TIAM1: variants seen among roughly 807,000 people sequenced by gnomAD.
TIAM1 encodes rho guanine nucleotide exchange factor TIAM1.
A neutral mutation model predicts 163.5 loss-of-function variants in TIAM1; 65 were observed. The observed-to-expected ratio is 0.40, with a 90% CI of 0.33 to 0.49. The LOEUF is 0.49. Ranked by LOEUF, TIAM1 falls within the 20% of genes least tolerant of loss-of-function variation. The pLI, the probability that TIAM1 is intolerant of heterozygous loss-of-function variation, is 0.77. For missense variants in TIAM1, 1,789 were observed against 2,044.7 expected (o/e 0.87, Z 2.41); for synonymous variants, 833 against 810.1 (o/e 1.03, Z -0.48).
chr21:31,285,270 G>C lies in TIAM1; in HGVS notation c.-188-8362C>G, dbSNP rs147643655. Reference sequence around the variant, plus strand: ...TCTGGAATCAGGGAAGAGCTTGTGGGGGGGGCGGTGAGGCCATGAACTCAA... The same window carrying C: ...TCTGGAATCAGGGAAGAGCTTGTGGCGGGGGCGGTGAGGCCATGAACTCAA... On this transcript the variant is annotated intron_variant, in intron 2 of 27. Coordinates refer to ENST00000541036, the MANE Select transcript of TIAM1 (RefSeq NM_001353694.2). Among the ~76,000 whole-genome samples the C allele has an allele frequency of 2.9e-4, 44 of 152,274 alleles. No homozygotes were observed. In the East Asian group the frequency reaches 6.6e-3, roughly 23 times the overall value.
At position 31,210,655 on chromosome 21, in the gene TIAM1, A is replaced by AGGG. The variant is rs1555891016; in HGVS notation, c.2218-441_2218-440insCCC. On this transcript the variant is annotated intron_variant, in intron 10 of 27. Transcript: ENST00000541036. ...AAAGAAAGAAAGAAAGAAAGAAAGAAAGAAAGAAAGAAAAAGAAAGAAAGA... is the reference window on the plus strand; with the variant it reads ...AAAGAAAGAAAGAAAGAAAGAAAGAAGGGAGAAAGAAAGAAAAAGAAAGAAAGA... 4.3e-3 allele frequency among the ~76,000 whole-genome samples: 89 copies of AGGG among 20,694 alleles called. 1 individual carries two copies. The highest frequency in any genetic ancestry group is 0.012 in the African/African-American group (54 of 4,322). The allele number at this position is 20,694 out of a possible 152,430, so 13.6% of individuals were successfully genotyped here.
chr21:31,181,737 A>ACTT (rs1464345944), intron 15 of TIAM1, among the ~76,000 whole-genome samples: 22 of 73,872 alleles, frequency 3.0e-4, no homozygotes, highest in Non-Finnish European at 4.1e-4. Flanking sequence ...GATTCCCAGC[A>ACTT]CTTCTTCTTC....
At chr21:31,281,438 G>A (rs2073563255) in intron 2 of TIAM1, among the ~76,000 whole-genome samples, 1 of 152,152 alleles carries the variant, frequency 6.6e-6, no homozygotes, top group Non-Finnish European at 1.5e-5. Context: ...TTCTTACTGT[G>A]TTTACTACGA....
intron 2 of TIAM1, among the ~76,000 whole-genome samples, chr21:31,324,951 A>G (rs1212895083): frequency 6.6e-6 from 1 of 152,154 alleles, no homozygotes; most frequent in African/African-American, 2.4e-5. Flanking sequence ...CAATGAGTAC[A>G]CCAACACTGT....
At chr21:31,122,540 G>T (rs1395282399) in intron 27 of TIAM1, among the ~76,000 whole-genome samples, 2 of 152,090 alleles carry the variant, frequency 1.3e-5, no homozygotes, top group East Asian at 3.9e-4. Flanking sequence ...GTGATAATGA[G>T]AATATAGAAA....
intron 2 of TIAM1, among the ~76,000 whole-genome samples, chr21:31,384,119 G>C (rs2076825801): frequency 6.6e-6 from 1 of 152,092 alleles, no homozygotes; most frequent in South Asian, 2.1e-4. Flanking sequence ...ATCCTGTGGT[G>C]TTCATAGATG....
intron 1 of TIAM1, among the ~76,000 whole-genome samples, chr21:31,531,540 T>C (rs1008581012): frequency 6.6e-6 from 1 of 151,696 alleles, no homozygotes; most frequent in African/African-American, 2.4e-5. Context: ...GTGATCGCTA[T>C]AGTGAAAGAA....
chr21:31,376,631 T>C (rs1196036265), intron 2 of TIAM1, among the ~76,000 whole-genome samples: 1 of 152,036 alleles, frequency 6.6e-6, no homozygotes, highest in Non-Finnish European at 1.5e-5. Flanking sequence ...TTGTGGGTGA[T>C]GGAGGGATGG....
intron 1 of TIAM1, among the ~76,000 whole-genome samples, chr21:31,473,335 C>A (rs2045815146): frequency 6.8e-6 from 1 of 146,080 alleles, no homozygotes; most frequent in East Asian, 2.2e-4. Flanking sequence ...GAGGCTGAGG[C>A]AGGAGAATAG....
rs112704902 is a variant in TIAM1 at position 31,498,172 on chromosome 21, G to A, written c.-421-34137C>T. On this transcript the variant is annotated intron_variant, in intron 1 of 28. Coordinates refer to the TIAM1 transcript ENST00000286827. ...GGAGATAACAGCCAACAAGCCATTTGGTGGTGTGTCACTGAAGGAAAGAGA... is the reference window on the plus strand; with the variant it reads ...GGAGATAACAGCCAACAAGCCATTTAGTGGTGTGTCACTGAAGGAAAGAGA... 7.1e-4 allele frequency among the ~76,000 whole-genome samples: 108 copies of A among 152,312 alleles called. 1 individual carries two copies. The highest frequency in any genetic ancestry group is 2.5e-3 in the African/African-American group (102 of 41,564).
intron 2 of TIAM1, among the ~76,000 whole-genome samples, chr21:31,333,525 C>A (rs12482505): frequency 0.14 from 20,867 of 152,086 alleles, 1,552 homozygotes; most frequent in Non-Finnish European, 0.17. Flanking sequence ...GCAGCCTCAA[C>A]CTTCTGGGCT....
intron 2 of TIAM1, among the ~76,000 whole-genome samples, chr21:31,451,997 G>A (rs568202727): frequency 1.3e-5 from 2 of 152,066 alleles, no homozygotes; most frequent in Admixed American, 6.6e-5. Flanking sequence ...TTGGAAGAGG[G>A]AAAACAGTAA....
upstream of TIAM1, among the ~76,000 whole-genome samples, chr21:31,347,909 G>C (rs891572967): frequency 9.8e-5 from 15 of 152,330 alleles, no homozygotes; most frequent in East Asian, 2.7e-3. Flanking sequence ...TAAACAGACA[G>C]AAGAGGACTA....
At chr21:31,466,334 C>CCT (rs1425704545) in intron 1 of TIAM1, among the ~76,000 whole-genome samples, 4 of 152,184 alleles carry the variant, frequency 2.6e-5, no homozygotes, top group African/African-American at 9.7e-5. Context: ...AGGATTCCTG[C>CCT]TGAAGGCAGG....
At chr21:31,172,143 G>C (rs556978054) in intron 15 of TIAM1, among the ~76,000 whole-genome samples, 1 of 152,156 alleles carries the variant, frequency 6.6e-6, no homozygotes, top group Non-Finnish European at 1.5e-5. Context: ...GAAAGCAGGA[G>C]GTGACAGTGG....
intron 2 of TIAM1, among the ~76,000 whole-genome samples, chr21:31,334,769 C>T (rs954647665): frequency 1.3e-5 from 2 of 152,194 alleles, no homozygotes; most frequent in Non-Finnish European, 2.9e-5. Flanking sequence ...AGACTGGCTC[C>T]TTCCCAAGCT....
intron 2 of TIAM1, among the ~76,000 whole-genome samples, chr21:31,414,998 A>C (rs1218470959): frequency 2.0e-5 from 3 of 152,218 alleles, no homozygotes; most frequent in Non-Finnish European, 4.4e-5. Flanking sequence ...GGAGGCAGGA[A>C]GTCACAGAAA....
At chr21:31,503,690 C>T (rs572692092) in intron 1 of TIAM1, among the ~76,000 whole-genome samples, 1 of 147,350 alleles carries the variant, frequency 6.8e-6, no homozygotes, top group South Asian at 2.2e-4. Flanking sequence ...AGGGATCCAG[C>T]ACTGTGCATC....
chr21:31,290,221 T>C (rs1476977061), intron 2 of TIAM1, among the ~76,000 whole-genome samples: 2 of 152,136 alleles, frequency 1.3e-5, no homozygotes, highest in Non-Finnish European at 2.9e-5. Context: ...CATGCCCTGA[T>C]GAATTCATCT....
Sources: allele counts gnomAD v4.1 joint callset (sites outside exome capture counted in the v4.1 genomes callset), GRCh38; gene constraint gnomAD v4.1.1; transcripts MANE v1.5; gene names NCBI Gene and HGNC (gene_info 2026-07-23, HGNC 2026-07-21).